EBF1: variants seen among roughly 807,000 people sequenced by gnomAD.
EBF1 encodes the protein transcription factor COE1.
A neutral mutation model predicts 68.4 loss-of-function variants in EBF1; 10 were observed. The ratio of observed to expected loss-of-function variants is 0.15; its 90% CI spans 0.09 to 0.25. The LOEUF (loss-of-function observed/expected upper bound fraction) is 0.25, where lower values mean the gene tolerates loss of function less well. EBF1 is among the 10% of genes least tolerant of loss of function. The probability of loss-of-function intolerance (pLI) is 1.00; values close to 1 mark genes in which losing one functional copy is unlikely to be tolerated. For synonymous variants in EBF1, 298 were observed against 299.8 expected, an observed-to-expected ratio of 0.99 and a Z score of 0.06; for missense variants, 509 against 794.4, an observed-to-expected ratio of 0.64 and a Z score of 4.32.
At position 158,751,638 on chromosome 5, in the gene EBF1, T is replaced by G. The variant is rs149027823; in HGVS notation, c.1037-20481A>C. Among the ~76,000 whole-genome samples the G allele has an allele frequency of 3.3e-5, 5 of 152,174 alleles. No individual in the cohort carries two copies. In the East Asian group the frequency reaches 9.7e-4, roughly 29 times the overall value. On this transcript the variant is annotated intron_variant, in intron 10 of 15. Transcript: ENST00000313708. ...GGCAAATGCTTAATCTATGTCTCAG[T>G]CTCCTTACCTGTTGAATCAGGACAG...
At chr5:158,701,574 C>T (rs568702735) in intron 15 of EBF1, among the ~76,000 whole-genome samples, 1 of 152,158 alleles carries the variant, frequency 6.6e-6, no homozygotes, top group African/African-American at 2.4e-5. Flanking sequence ...GTGAGTGAAT[C>T]CCCTGGGTGC....
chr5:158,931,937 G>GT (rs904653285), intron 6 of EBF1, among the ~76,000 whole-genome samples: 13 of 151,854 alleles, frequency 8.6e-5, no homozygotes, highest in South Asian at 4.2e-4. Context: ...TCTCTTCACA[G>GT]TTTTTTTTGT....
intron 6 of EBF1, among the ~76,000 whole-genome samples, chr5:158,952,131 C>G (rs1200624962): frequency 6.6e-6 from 1 of 152,156 alleles, no homozygotes; most frequent in Admixed American, 6.5e-5. Context: ...TCAGTATTCC[C>G]CCTGTAGAAG....
intron 6 of EBF1, among the ~76,000 whole-genome samples, chr5:158,931,932 TCA>T (rs140586755): frequency 0.023 from 3,559 of 152,280 alleles, 140 homozygotes; most frequent in African/African-American, 0.082. Context: ...CTGCTTCTCT[TCA>T]CAGTTTTTTT....
chr5:158,816,306 G>T (rs376270653), intron 8 of EBF1, among the ~76,000 whole-genome samples: 2 of 152,268 alleles, frequency 1.3e-5, no homozygotes, highest in African/African-American at 4.8e-5. Context: ...ATATGAAATG[G>T]ATAGGCATTG....
At chr5:158,949,561 A>G (rs1420853972) in intron 6 of EBF1, among the ~76,000 whole-genome samples, 1 of 152,248 alleles carries the variant, frequency 6.6e-6, no homozygotes, top group African/African-American at 2.4e-5. Flanking sequence ...AACTATGTTC[A>G]GGCTTTTTCC....
At chr5:158,779,608 A>T (rs1775998864) in intron 9 of EBF1, among the ~76,000 whole-genome samples, 1 of 152,218 alleles carries the variant, frequency 6.6e-6, no homozygotes, top group African/African-American at 2.4e-5. Context: ...GAGTACCATT[A>T]ACTCACAATA....
At chr5:158,712,890 T>C in intron 13 of EBF1, 80 bp downstream of exon 13, 3 of 1,314,518 alleles carry the variant, frequency 2.3e-6, no homozygotes, top group South Asian at 2.3e-5. Flanking sequence ...AATTTTTTAA[T>C]GTAAAAATTG....
chr5:158,900,301 G>T (rs1803020927), intron 6 of EBF1, among the ~76,000 whole-genome samples: 2 of 152,174 alleles, frequency 1.3e-5, no homozygotes, highest in East Asian at 3.8e-4. Flanking sequence ...GGAGAGGGGA[G>T]TGGAGGGTGC....
chr5:158,791,461 G>A (rs1331817739), intron 9 of EBF1, among the ~76,000 whole-genome samples: 6 of 152,048 alleles, frequency 3.9e-5, no homozygotes, highest in African/African-American at 1.4e-4. Flanking sequence ...TTGGGCAATG[G>A]AAGGACAATC....
At chr5:159,074,278 C>T (rs1038199914) in intron 5 of EBF1, among the ~76,000 whole-genome samples, 11 of 152,180 alleles carry the variant, frequency 7.2e-5, no homozygotes, top group African/African-American at 2.7e-4. Flanking sequence ...TTTTTAAAAA[C>T]TGAGATGCCT....
At chr5:158,821,298 T>C (rs1784776370) in intron 8 of EBF1, among the ~76,000 whole-genome samples, 1 of 152,214 alleles carries the variant, frequency 6.6e-6, no homozygotes, top group African/African-American at 2.4e-5. Context: ...TTTCAAGACC[T>C]AGTCCTTTAT....
At chr5:158,776,618 A>G (rs1185185460) in intron 10 of EBF1, among the ~76,000 whole-genome samples, 1 of 152,150 alleles carries the variant, frequency 6.6e-6, no homozygotes, top group Non-Finnish European at 1.5e-5. Context: ...ACTGACACTA[A>G]GCAGAGGGCC....
intron 11 of EBF1, among the ~76,000 whole-genome samples, chr5:158,715,128 A>C (rs1208312913): frequency 6.6e-6 from 1 of 152,208 alleles, no homozygotes; most frequent in Non-Finnish European, 1.5e-5. Context: ...ATGCATGTAA[A>C]AGGTAGGGGC....
At position 158,696,559 on chromosome 5, in the gene EBF1, G is replaced by A. The variant is rs1028034184; in HGVS notation, c.*2552C>T. The A allele has an allele frequency of 1.3e-5, 3 of 223,730 alleles. No individual in the cohort carries two copies. Among genetic ancestry groups the A allele is most frequent in the Admixed American group, 5.7e-5 (1 of 17,484 alleles). 13.9% of individuals were successfully genotyped at this position (223,730 alleles called of 1,614,324 possible). A position where few individuals can be genotyped will look rare whatever the true frequency, so the allele number is the denominator to read the frequency against. On this transcript the variant is annotated 3_prime_UTR_variant, in exon 16 of 16. Coordinates refer to ENST00000313708, the MANE Select transcript of EBF1 (RefSeq NM_024007.5). ...AACTTGTGTACATCTTCAGGCCAGC[G>A]CTTACCACGCAAATTCAGATAACCT...
chr5:158,875,182 T>C (rs1582795467), intron 6 of EBF1, among the ~76,000 whole-genome samples: 1 of 152,270 alleles, frequency 6.6e-6, no homozygotes, highest in East Asian at 1.9e-4. Context: ...GATAGTTACA[T>C]ATTTTTCTTT....
chr5:159,096,690 A>C, intron 2 of EBF1: 1 of 603,674 alleles, frequency 1.7e-6, no homozygotes, highest in East Asian at 2.8e-5. Context: ...GCGGTGCGTA[A>C]TCTGGTAGTG....
At chr5:158,886,963 T>C (rs558870638) in intron 6 of EBF1, among the ~76,000 whole-genome samples, 2 of 152,198 alleles carry the variant, frequency 1.3e-5, no homozygotes, top group African/African-American at 4.8e-5. Flanking sequence ...GATCGTGCCA[T>C]TGCACTCCAG....
At chr5:158,960,723 T>G (rs1818010176) in intron 6 of EBF1, among the ~76,000 whole-genome samples, 1 of 152,182 alleles carries the variant, frequency 6.6e-6, no homozygotes, top group African/African-American at 2.4e-5. Flanking sequence ...ATGTGTGACT[T>G]CCAAGACTAG....
Sources: gnomAD v4.1 joint callset for allele counts (sites outside exome capture counted in the v4.1 genomes callset) on GRCh38, gnomAD v4.1.1 for gene constraint, MANE v1.5 for transcripts, NCBI Gene and HGNC (gene_info 2026-07-23, HGNC 2026-07-21) for gene names.